The following MICU3 variants were observed in gnomAD, a reference collection of about 807,000 sequenced individuals.
MICU3 encodes the protein mitochondrial calcium uptake 3.
MICU3 carries 62 observed loss-of-function variants against 66.5 expected under a neutral mutation model. The ratio of observed to expected loss-of-function variants is 0.93; its 90% CI spans 0.76 to 1.15. MICU3 has a LOEUF of 1.15. MICU3 is among the 50% of genes most tolerant of loss of function. MICU3 has a pLI of 0.00. For missense variants in MICU3, 779 were observed against 664.4 expected, an observed-to-expected ratio of 1.17 and a Z score of -1.90; for synonymous variants, 308 against 240.7, an observed-to-expected ratio of 1.28 and a Z score of -2.59.
chr8:17,032,446 A>T (rs1812245176), intron 1 of MICU3, among the ~76,000 whole-genome samples: 2 of 152,178 alleles, frequency 1.3e-5, no homozygotes. Flanking sequence ...AATTGTACAG[A>T]AGACATGATC....
rs1284922452 is a variant in MICU3, at chr8:17,104,471, C to A, written c.1065C>A (p.Leu355=). The change falls in exon 10 of 15, where the codon CTC becomes CTA. Residue 355 remains leucine (L), a synonymous_variant. Transcript: ENST00000318063. ...HFFGKKGKAE[L]NFEDFYRFMD... is the part of the protein sequence containing the mutation. ...TTGGAAAGAAAGGAAAAGCTGAGCT[C>A]AACTTTGAAGATTTTTATAGGTGAG... 18 of 1,453,626 alleles carry A rather than the reference C, an allele frequency of 1.2e-5. No homozygotes were observed. The highest frequency in any genetic ancestry group is 1.7e-5 in the Non-Finnish European group (18 of 1,081,208). The allele number at this position is 1,453,626 out of a possible 1,614,324, so 90.0% of individuals were successfully genotyped here. A position where few individuals can be genotyped will look rare whatever the true frequency, so the allele number is the denominator to read the frequency against.
Position 17,118,779 on chromosome 8 carries a change from T to C in MICU3, c.*4T>C. 2 of 1,591,038 alleles carry C rather than the reference T, an allele frequency of 1.3e-6. No homozygotes were observed. The highest frequency in any genetic ancestry group is 1.7e-5 in the Admixed American group (1 of 59,852). Reference sequence around the variant, plus strand: ...GAAAGAACTTCACAGCAGATAAGTATGTTAGCTTCTATTTGTCTAAATTTG... The same window carrying C: ...GAAAGAACTTCACAGCAGATAAGTACGTTAGCTTCTATTTGTCTAAATTTG... On this transcript the variant is annotated splice_donor_region_variant and intron_variant, in intron 14 of 14. Coordinates refer to ENST00000318063, the MANE Select transcript of MICU3 (RefSeq NM_181723.3).
intron 1 of MICU3, among the ~76,000 whole-genome samples, chr8:17,061,667 GTTGA>G (rs1441436989): frequency 3.3e-5 from 5 of 152,140 alleles, no homozygotes; most frequent in African/African-American, 1.2e-4. Flanking sequence ...ATAAATCATG[GTTGA>G]TTGATGTCAC....
the MICU3 span, among the ~76,000 whole-genome samples, chr8:17,134,492 T>G: frequency 6.6e-6 from 1 of 152,126 alleles, no homozygotes; most frequent in Non-Finnish European, 1.5e-5. Flanking sequence ...TCACTCAGGC[T>G]GGAGTGCGGT....
intron 6 of MICU3, among the ~76,000 whole-genome samples, chr8:17,086,632 A>G (rs573128430): frequency 1.3e-3 from 200 of 152,250 alleles, no homozygotes; most frequent in Non-Finnish European, 2.4e-3. Flanking sequence ...TTCTATGTCC[A>G]TACTGCCAAG....
intron 7 of MICU3, 119 bp from the exon 8 acceptor site, chr8:17,090,427 G>A: frequency 1.3e-6 from 1 of 754,776 alleles, no homozygotes. Flanking sequence ...ATAAAATGTA[G>A]CATAATGATT....
chr8:17,116,377 C>G, intron 12 of MICU3, 66 bp from the exon 13 acceptor site: 1 of 1,062,054 alleles, frequency 9.4e-7, no homozygotes. Flanking sequence ...TACAACCTTT[C>G]TAGTAATTAA....
Position 17,027,602 on chromosome 8 carries a change from A to G in MICU3, c.323A>G (p.Glu108Gly). The G allele has an allele frequency of 7.7e-7, 1 of 1,303,162 alleles. No homozygotes were observed. Among genetic ancestry groups the G allele is most frequent in the South Asian group, 2.3e-5 (1 of 42,574 alleles). 80.7% of individuals were successfully genotyped at this position (1,303,162 alleles called of 1,614,324 possible). ...RPSKSAATEP[E>G]DPPRGRGMLP... is the part of the protein sequence containing the mutation. ...TCAAAGAGCGCGGCCACGGAGCCCG[A>G]GGACCCGCCCCGCGGCCGGGGGATG... The change falls in exon 1 of 15, where the codon GAG (glutamate) becomes GGG (glycine). Residue 108 changes from glutamate to glycine, a missense_variant. Coordinates refer to ENST00000318063, the MANE Select transcript of MICU3 (RefSeq NM_181723.3).
At chr8:17,117,854 C>A (rs892069710) in intron 13 of MICU3, among the ~76,000 whole-genome samples, 1 of 152,224 alleles carries the variant, frequency 6.6e-6, no homozygotes, top group Non-Finnish European at 1.5e-5. Flanking sequence ...AAGTAATCCT[C>A]TTGCCTTGGC....
chr8:17,126,162 AAC>A (rs1491385311), downstream of MICU3, among the ~76,000 whole-genome samples: 24,860 of 152,030 alleles, frequency 0.16, 2,344 homozygotes, highest in Admixed American at 0.25. Flanking sequence ...ATTCTTCCTA[AAC>A]AGTTTCAATC....
chr8:17,109,229 G>A (rs181707670), intron 11 of MICU3, among the ~76,000 whole-genome samples: 14 of 151,968 alleles, frequency 9.2e-5, no homozygotes, highest in Non-Finnish European at 7.4e-5. Context: ...TATGTTTTAT[G>A]TATATGTATG....
At chr8:17,136,060 C>T in the MICU3 span, among the ~76,000 whole-genome samples, 4 of 152,068 alleles carry the variant, frequency 2.6e-5, no homozygotes, top group Middle Eastern at 0.014. Context: ...TGAGATAATT[C>T]ACATAAAGTA....
At chr8:17,068,161 C>A (rs1005658276) in intron 2 of MICU3, among the ~76,000 whole-genome samples, 6 of 152,124 alleles carry the variant, frequency 3.9e-5, no homozygotes, top group African/African-American at 1.4e-4. Flanking sequence ...TGAAGTCCTT[C>A]TTCACCTAAG....
chr8:17,101,587 T>C (rs1291159375), intron 9 of MICU3, among the ~76,000 whole-genome samples: 1 of 151,908 alleles, frequency 6.6e-6, no homozygotes, highest in East Asian at 1.9e-4. Flanking sequence ...ACTGGCCGAA[T>C]GAGGTCATTA....
At chr8:17,136,855 A>C in the MICU3 span, among the ~76,000 whole-genome samples, 392 of 139,732 alleles carry the variant, frequency 2.8e-3, 1 homozygote, top group Non-Finnish European at 4.1e-3. Context: ...TTTTTTTTTG[A>C]GACGGAGTCT....
chr8:17,067,703 G>A (rs1000179224), intron 2 of MICU3, among the ~76,000 whole-genome samples: 7 of 152,022 alleles, frequency 4.6e-5, no homozygotes, highest in African/African-American at 1.7e-4. Flanking sequence ...GCCTCCAAAG[G>A]GGTGCAATTA....
At chr8:17,039,227 A>C (rs60475501) in intron 1 of MICU3, among the ~76,000 whole-genome samples, 6 of 152,238 alleles carry the variant, frequency 3.9e-5, no homozygotes, top group Non-Finnish European at 7.3e-5. Flanking sequence ...TAACTTTTAT[A>C]TGCACTGGGA....
intron 1 of MICU3, among the ~76,000 whole-genome samples, chr8:17,033,006 T>G (rs1244264672): frequency 1.3e-5 from 2 of 152,190 alleles, no homozygotes; most frequent in African/African-American, 4.8e-5. Context: ...ATGTGTAGTT[T>G]CCTCCATGAA....
At chr8:17,123,218 G>A (rs1359548120), downstream of MICU3, among the ~76,000 whole-genome samples, 1 of 152,012 alleles carries the variant, frequency 6.6e-6, no homozygotes, top group African/African-American at 2.4e-5. Context: ...TAGATTCTGT[G>A]AAATACTTTA....
Sources: allele counts gnomAD v4.1 joint callset (sites outside exome capture counted in the v4.1 genomes callset), GRCh38; gene constraint gnomAD v4.1.1; transcripts MANE v1.5; gene names NCBI Gene and HGNC (gene_info 2026-07-23, HGNC 2026-07-21).